ANK3: variants seen among roughly 807,000 people sequenced by gnomAD.
The protein encoded by ANK3 is ankyrin 3, also known as ankyrin-3.
In ANK3, 57 loss-of-function variants were observed where a neutral mutation model predicts 370.9. That is an observed-to-expected ratio of 0.15 (90% confidence interval 0.12 to 0.19). ANK3 has a LOEUF of 0.19. ANK3 is among the 10% of genes least tolerant of loss of function. ANK3 has a pLI of 1.00. For missense variants in ANK3, 4,439 were observed against 5,302.1 expected, an observed-to-expected ratio of 0.84 and a Z score of 5.06; for synonymous variants, 1,929 against 1,946.3, an observed-to-expected ratio of 0.99 and a Z score of 0.23.
chr10:60,642,637 T>TGG (rs200229050), intron 1 of ANK3, among the ~76,000 whole-genome samples: 37,513 of 144,332 alleles, frequency 0.26, 5,775 homozygotes, highest in South Asian at 0.48. Flanking sequence ...TGTTGTGGGG[T>TGG]GGGGGGGCGA....
chr10:60,074,441 G>T lies in ANK3; in HGVS notation c.6440C>A (p.Thr2147Asn), dbSNP rs757315937. 1.9e-6 allele frequency: 3 copies of T among 1,614,004 alleles called. No individual in the cohort carries two copies. Residue 2147 changes from threonine (T) to asparagine (N), a missense_variant, in exon 37 of 44, where the codon ACT becomes AAT. This residue lies in a region of ANK3 where 1,601 missense variants were observed against 1,731.7 expected (regional missense o/e 0.92). Transcript: ENST00000280772. ...TPSAPQSAES[T>N]GPKPLFHEVP... is the part of the protein sequence containing the mutation. ...TTCATGAAAAAGTGGTTTAGGACCAGTGCTTTCAGCGCTTTGTGGGGCTGA... is the reference window on the plus strand; with the variant it reads ...TTCATGAAAAAGTGGTTTAGGACCATTGCTTTCAGCGCTTTGTGGGGCTGA...
intron 1 of ANK3, among the ~76,000 whole-genome samples, chr10:60,698,128 G>C (rs1390980673): frequency 6.6e-6 from 1 of 151,930 alleles, no homozygotes; most frequent in Non-Finnish European, 1.5e-5. Context: ...AGACATTTAT[G>C]CAGCCAAAAA....
At chr10:60,409,005 C>T (rs1262763276) in intron 2 of ANK3, among the ~76,000 whole-genome samples, 1 of 152,208 alleles carries the variant, frequency 6.6e-6, no homozygotes. Flanking sequence ...CTGCCTGACT[C>T]TCCTGTCCTC....
At chr10:60,510,209 G>C (rs2076045139) in intron 2 of ANK3, among the ~76,000 whole-genome samples, 1 of 152,094 alleles carries the variant, frequency 6.6e-6, no homozygotes, top group Admixed American at 6.6e-5. Context: ...GTGATAGGTA[G>C]ACAGAGCTTT....
intron 26 of ANK3, among the ~76,000 whole-genome samples, chr10:60,113,180 A>G (rs1490733019): frequency 6.6e-6 from 1 of 152,064 alleles, no homozygotes; most frequent in African/African-American, 2.4e-5. Flanking sequence ...CTTCCAGTGT[A>G]GACACTGGTA....
intron 2 of ANK3, among the ~76,000 whole-genome samples, chr10:60,513,782 G>A (rs777455404): frequency 6.6e-6 from 1 of 152,042 alleles, no homozygotes; most frequent in African/African-American, 2.4e-5. Context: ...GCACTATCTC[G>A]GGTAGTCATA....
intron 1 of ANK3, among the ~76,000 whole-genome samples, chr10:60,299,634 C>T (rs1037596822): frequency 1.3e-5 from 2 of 152,212 alleles, no homozygotes; most frequent in Admixed American, 1.3e-4. Context: ...AGGTGAATCC[C>T]TCAGAATCAA....
At chr10:60,117,648 C>G (rs1315680276) in intron 25 of ANK3, among the ~76,000 whole-genome samples, 1 of 152,082 alleles carries the variant, frequency 6.6e-6, no homozygotes, top group Non-Finnish European at 1.5e-5. Context: ...GAAACCCCTT[C>G]TCTACTAAAA....
intron 11 of ANK3, among the ~76,000 whole-genome samples, chr10:60,203,482 T>C (rs1029523944): frequency 2.0e-5 from 3 of 151,904 alleles, no homozygotes; most frequent in African/African-American, 7.3e-5. Context: ...ATTTCATACA[T>C]ACTAGTAAAA....
chr10:60,424,045 G>C (rs1445723638), intron 2 of ANK3, among the ~76,000 whole-genome samples: 1 of 152,054 alleles, frequency 6.6e-6, no homozygotes, highest in Non-Finnish European at 1.5e-5. Context: ...AGTTGTGCTT[G>C]ACTGTCAGCA....
chr10:60,053,927 T>G (rs4948383), intron 42 of ANK3, among the ~76,000 whole-genome samples: 52,148 of 152,050 alleles, frequency 0.34, 11,661 homozygotes, highest in East Asian at 0.66. Context: ...TTCTGCATTA[T>G]AATAGGACTC....
chr10:60,045,089 A>C lies in ANK3; in HGVS notation c.13066-2330T>G, dbSNP rs548802691. On this transcript the variant is annotated intron_variant, in intron 42 of 43. Coordinates refer to ENST00000280772, the MANE Select transcript of ANK3 (RefSeq NM_020987.5). ...ACACAAAGTTGTTTCGTAATAAAAA[A>C]AAATGAGAACAAAACAATAGTGTTT... Among the ~76,000 whole-genome samples the C allele has an allele frequency of 6.6e-5, 10 of 152,348 alleles. No homozygotes were observed. In the East Asian group the frequency reaches 1.9e-3, roughly 29 times the overall value.
intron 2 of ANK3, among the ~76,000 whole-genome samples, chr10:60,436,075 C>T (rs372259341): frequency 2.8e-5 from 4 of 143,092 alleles, no homozygotes; most frequent in South Asian, 4.5e-4. Context: ...GCGACAAGAA[C>T]GAGACTCCGT....
chr10:60,594,479 T>G (rs2077960131), intron 2 of ANK3, among the ~76,000 whole-genome samples: 1 of 152,198 alleles, frequency 6.6e-6, no homozygotes. Flanking sequence ...TTCTTTCCAG[T>G]CTTATTCTTT....
intron 1 of ANK3, among the ~76,000 whole-genome samples, chr10:60,675,260 C>G (rs2079110264): frequency 1.3e-5 from 2 of 152,182 alleles, no homozygotes; most frequent in African/African-American, 4.8e-5. Flanking sequence ...AAACATTGCT[C>G]TAGCCTACAT....
chr10:60,473,860 A>G (rs2074982583), intron 2 of ANK3, among the ~76,000 whole-genome samples: 1 of 151,750 alleles, frequency 6.6e-6, no homozygotes, highest in South Asian at 2.1e-4. Context: ...GGCTAGGTGC[A>G]GAGGCTCACC....
chr10:60,243,823 C>T (rs2097512237), intron 7 of ANK3, among the ~76,000 whole-genome samples: 1 of 152,080 alleles, frequency 6.6e-6, no homozygotes, highest in Non-Finnish European at 1.5e-5. Context: ...AGATAAGGTA[C>T]TAAATCAGGT....
intron 1 of ANK3, among the ~76,000 whole-genome samples, chr10:60,653,052 G>T (rs2078813062): frequency 6.6e-6 from 1 of 151,890 alleles, no homozygotes; most frequent in African/African-American, 2.4e-5. Context: ...ATAATTTCTA[G>T]GTACAAGTTT....
intron 2 of ANK3, among the ~76,000 whole-genome samples, chr10:60,421,286 G>A (rs766939218): frequency 4.7e-4 from 72 of 152,008 alleles, no homozygotes; most frequent in Non-Finnish European, 8.7e-4. Context: ...TATAATTAAT[G>A]CCAGTGAATT....
Sources: allele counts gnomAD v4.1 joint callset (sites outside exome capture counted in the v4.1 genomes callset), GRCh38; gene constraint gnomAD v4.1.1; regional missense constraint gnomAD v4.1.1; transcripts MANE v1.5; gene names NCBI Gene and HGNC (gene_info 2026-07-23, HGNC 2026-07-21).